The following DRC11L variants were observed in gnomAD, a reference collection of about 807,000 sequenced individuals.
The protein encoded by DRC11L is dynein regulatory complex subunit like-11.
the DRC11L span, among the ~76,000 whole-genome samples, chr7:151,195,238 G>A: frequency 6.6e-6 from 1 of 152,152 alleles, no homozygotes; most frequent in African/African-American, 2.4e-5. Flanking sequence ...TTGTGCCTTT[G>A]CTTGATCCCC....
chr7:151,193,424 A>G, the DRC11L span: 2 of 399,260 alleles, frequency 5.0e-6, no homozygotes, highest in African/African-American at 2.1e-5. Context: ...CTTCTTCCCC[A>G]TGCCAGAGGG....
the DRC11L span, chr7:151,195,609 T>A: frequency 5.0e-6 from 2 of 399,722 alleles, no homozygotes; most frequent in Non-Finnish European, 8.8e-6. Flanking sequence ...TTCCTCCTTG[T>A]CCACAGCCAG....
the DRC11L span, among the ~76,000 whole-genome samples, chr7:151,205,247 C>T: frequency 7.2e-5 from 11 of 152,056 alleles, 1 homozygote; most frequent in Admixed American, 6.5e-4. Context: ...GAGGAGGGAC[C>T]CTTCCCCAAG....
chr7:151,194,445 G>C, the DRC11L span: 1 of 398,980 alleles, frequency 2.5e-6, no homozygotes, highest in Non-Finnish European at 4.4e-6. Context: ...AGGCGGGGCT[G>C]GTGGATGGGG....
At chr7:151,195,553 C>A in the DRC11L span, 1 of 399,944 alleles carries the variant, frequency 2.5e-6, no homozygotes, top group Non-Finnish European at 4.4e-6. Context: ...CTCCCCTGCC[C>A]AGCCCCAGCC....
At chr7:151,204,789 A>G in the DRC11L span, 1 of 399,106 alleles carries the variant, frequency 2.5e-6, no homozygotes, top group Non-Finnish European at 4.4e-6. Flanking sequence ...TTGGTCCAGC[A>G]GCTCCTGCAG....
chr7:151,203,829 A>T, the DRC11L span, among the ~76,000 whole-genome samples: 2 of 152,202 alleles, frequency 1.3e-5, no homozygotes, highest in African/African-American at 4.8e-5. Context: ...CTACTACATC[A>T]GAATGACAGG....
At chr7:151,191,886 T>C in the DRC11L span, 2 of 399,152 alleles carry the variant, frequency 5.0e-6, no homozygotes, top group South Asian at 1.3e-4. Context: ...ACTGCAGGCA[T>C]GTGGAAGACA....
At chr7:151,196,397 G>T in the DRC11L span, 1 of 399,198 alleles carries the variant, frequency 2.5e-6, no homozygotes. Context: ...GGGTTATGGG[G>T]GAGGGTACAG....
At chr7:151,199,565 C>T in the DRC11L span, among the ~76,000 whole-genome samples, 1 of 152,120 alleles carries the variant, frequency 6.6e-6, no homozygotes, top group Admixed American at 6.5e-5. The surrounding 1 kb of genome is among the most constrained non-coding windows in gnomAD (Gnocchi z 5.2). Flanking sequence ...CTCTGGCCCC[C>T]CAACAAGTCT....
chr7:151,191,210 T>G, the DRC11L span: 1 of 398,356 alleles, frequency 2.5e-6, no homozygotes. Context: ...GGGGTCCTAT[T>G]AGTGCTGGGG....
chr7:151,194,685 G>T, the DRC11L span: 8 of 397,956 alleles, frequency 2.0e-5, no homozygotes, highest in Non-Finnish European at 3.5e-5. Context: ...AGAGATGGGG[G>T]CTGTTGTCAT....
chr7:151,196,263 G>A, the DRC11L span, among the ~76,000 whole-genome samples: 7 of 152,210 alleles, frequency 4.6e-5, no homozygotes, highest in African/African-American at 1.4e-4. Flanking sequence ...AGCAGGTGGA[G>A]CTAGGACCAT....
the DRC11L span, among the ~76,000 whole-genome samples, chr7:151,198,206 G>C: frequency 2.0e-5 from 3 of 149,862 alleles, no homozygotes; most frequent in Non-Finnish European, 4.4e-5. Flanking sequence ...AGGTGGGTAG[G>C]TGGGTGGGTG....
chr7:151,202,536 TA>T, the DRC11L span, among the ~76,000 whole-genome samples: 13 of 152,202 alleles, frequency 8.5e-5, no homozygotes, highest in Non-Finnish European at 1.8e-4. Flanking sequence ...GCTGACTGAT[TA>T]AAGTACTGAC....
chr7:151,194,351 T>C, the DRC11L span: 4 of 398,874 alleles, frequency 1.0e-5, no homozygotes, highest in Non-Finnish European at 1.8e-5. Flanking sequence ...GGATCCAAGA[T>C]ACAGGAAGTC....
chr7:151,204,853 G>A, the DRC11L span: 6 of 398,970 alleles, frequency 1.5e-5, no homozygotes, highest in South Asian at 1.3e-4. Flanking sequence ...AGAGGGTGGC[G>A]GGCGCCGCGT....
chr7:151,197,106 C>G, the DRC11L span: 1 of 397,998 alleles, frequency 2.5e-6, no homozygotes, highest in Non-Finnish European at 4.4e-6. Context: ...CTAGCACAGA[C>G]TCTGGCCCTA....
At chr7:151,193,774 C>T in the DRC11L span, among the ~76,000 whole-genome samples, 3 of 152,178 alleles carry the variant, frequency 2.0e-5, no homozygotes, top group African/African-American at 7.2e-5. Context: ...TTCTGTTTTC[C>T]ATTCCATCTG....
Sources: allele counts gnomAD v4.1 joint callset (sites outside exome capture counted in the v4.1 genomes callset), GRCh38; gene constraint gnomAD v4.1.1; non-coding constraint Gnocchi (gnomAD v3.1); transcripts MANE v1.5; gene names NCBI Gene and HGNC (gene_info 2026-07-23, HGNC 2026-07-21).